TIAM1: variants seen among roughly 807,000 people sequenced by gnomAD.
The protein encoded by TIAM1 is TIAM Rac1 associated GEF 1.
Under a neutral mutation model 163.5 loss-of-function variants are expected in TIAM1, and 65 were observed. The ratio of observed to expected loss-of-function variants is 0.40; its 90% confidence interval spans 0.33 to 0.49. The LOEUF is 0.49. Among genes scored for constraint, TIAM1 ranks in the 20% least tolerant of loss-of-function variants. TIAM1 has a pLI of 0.77. For missense variants in TIAM1, 1,789 were observed against 2,044.7 expected (o/e 0.87, Z 2.41); for synonymous variants, 833 against 810.1 (o/e 1.03, Z -0.48).
chr21:31,216,178 C>G (rs2087198971), intron 9 of TIAM1, among the ~76,000 whole-genome samples: 1 of 151,904 alleles, frequency 6.6e-6, no homozygotes, highest in Non-Finnish European at 1.5e-5. Context: ...ACAAACAAAA[C>G]AAAACAAAAC....
chr21:31,343,415 C>G (rs2076076540), intron 1 of TIAM1, among the ~76,000 whole-genome samples: 1 of 152,170 alleles, frequency 6.6e-6, no homozygotes, highest in East Asian at 1.9e-4. Context: ...ACCTTCCACC[C>G]AAACTTCCTC....
chr21:31,477,275 C>T (rs898560423), intron 1 of TIAM1, among the ~76,000 whole-genome samples: 3 of 152,134 alleles, frequency 2.0e-5, no homozygotes, highest in Non-Finnish European at 2.9e-5. Flanking sequence ...ACATCACTTA[C>T]CTAAGTCACA....
Position 31,122,097 on chromosome 21 carries a change from G to A in TIAM1, c.4307-1260C>T, listed in dbSNP as rs1001818505. On this transcript the variant is annotated intron_variant, in intron 27 of 27. Transcript: ENST00000541036. ...CAGGCACAGGGTTAGAGTGGTCAAC[G>A]AGGGGCTGAATTGGCTCTCATGGCA... Among the ~76,000 whole-genome samples the A allele has an allele frequency of 3.3e-5, 5 of 152,274 alleles. No individual in the cohort carries two copies. In the South Asian group the frequency reaches 6.2e-4, roughly 19 times the overall value.
chr21:31,210,641 GAAAGAAAGAAAGAAAGAAAGAAAGAA>G (rs768205340), intron 10 of TIAM1, among the ~76,000 whole-genome samples: 6,657 of 35,338 alleles, frequency 0.19, 986 homozygotes, highest in Non-Finnish European at 0.21. Context: ...AAGAAAGAAA[GAAAGAAAGAAAGAAAGAAAGAAAGAA>G]AAAGAAAGAA....
At chr21:31,124,449 A>T in intron 27 of TIAM1, 73 bp downstream of exon 27, 1 of 1,583,250 alleles carries the variant, frequency 6.3e-7, no homozygotes, top group Non-Finnish European at 8.6e-7. Context: ...CTCAACAAGG[A>T]GGTCAAGCTC....
intron 16 of TIAM1, among the ~76,000 whole-genome samples, chr21:31,161,399 G>A (rs1378953100): frequency 6.6e-6 from 1 of 152,156 alleles, no homozygotes; most frequent in African/African-American, 2.4e-5. Context: ...GGAGAGAGGA[G>A]GCGGCTCAGA....
At chr21:31,252,957 T>A (rs930035928) in intron 4 of TIAM1, among the ~76,000 whole-genome samples, 6 of 152,248 alleles carry the variant, frequency 3.9e-5, no homozygotes. Flanking sequence ...CAGGGCCAAA[T>A]GACAGCTCGG....
At chr21:31,185,877 G>T (rs892180083) in intron 14 of TIAM1, among the ~76,000 whole-genome samples, 13 of 151,938 alleles carry the variant, frequency 8.6e-5, no homozygotes, top group Non-Finnish European at 1.5e-5. Context: ...GCCACAGAAT[G>T]CCAAGTGCTG....
chr21:31,325,667 CAAA>C (rs200884558), intron 2 of TIAM1, among the ~76,000 whole-genome samples: 6 of 99,924 alleles, frequency 6.0e-5, no homozygotes, highest in Admixed American at 1.1e-4. Flanking sequence ...GACTCTGACT[CAAA>C]AAAAAAAAAA....
In TIAM1 at chr21:31,439,994, T is replaced by A. The variant is rs542662669; in HGVS notation, c.-369+23989A>T. On this transcript the variant is annotated intron_variant, in intron 2 of 28. Transcript: ENST00000286827. ...AATAGGGTCTTGATCACCGGCAATG[T>A]AACCTTGCAGTTACCTAACCTCTCT... 4.5e-4 allele frequency among the ~76,000 whole-genome samples: 68 copies of A among 152,334 alleles called. No homozygotes were observed. In the South Asian group the frequency reaches 0.014, roughly 31 times the overall value.
chr21:31,252,932 G>T (rs1216431153), intron 4 of TIAM1, among the ~76,000 whole-genome samples: 1 of 152,264 alleles, frequency 6.6e-6, no homozygotes, highest in African/African-American at 2.4e-5. Flanking sequence ...GCCTTGGGCA[G>T]GCTACTTGCT....
At chr21:31,388,761 T>G (rs2076921276) in intron 2 of TIAM1, among the ~76,000 whole-genome samples, 1 of 152,054 alleles carries the variant, frequency 6.6e-6, no homozygotes, top group Admixed American at 6.6e-5. Context: ...ATCTGTAAAA[T>G]GGGGATAATA....
intron 2 of TIAM1, among the ~76,000 whole-genome samples, chr21:31,407,275 T>C (rs1402662308): frequency 6.6e-6 from 1 of 152,190 alleles, no homozygotes; most frequent in Non-Finnish European, 1.5e-5. Context: ...TTTAATATTG[T>C]TTATTACGAT....
intron 1 of TIAM1, among the ~76,000 whole-genome samples, chr21:31,492,712 G>A (rs1184649973): frequency 6.6e-6 from 1 of 151,356 alleles, no homozygotes; most frequent in African/African-American, 2.4e-5. Context: ...CTGTGTCATG[G>A]GCACACTGTT....
chr21:31,144,849 A>AG (rs1555865034), intron 20 of TIAM1, among the ~76,000 whole-genome samples: 5 of 144,932 alleles, frequency 3.4e-5, no homozygotes, highest in Admixed American at 6.8e-5. Flanking sequence ...AAAAAAAAAA[A>AG]AAAGAAAAGA....
chr21:31,235,389 C>T (rs1301058807), intron 6 of TIAM1, among the ~76,000 whole-genome samples: 1 of 152,164 alleles, frequency 6.6e-6, no homozygotes, highest in Non-Finnish European at 1.5e-5. Flanking sequence ...AATGTAATAA[C>T]ACTGATTAGT....
chr21:31,367,067 A>C (rs1175622953), intron 2 of TIAM1, among the ~76,000 whole-genome samples: 1 of 152,130 alleles, frequency 6.6e-6, no homozygotes, highest in Non-Finnish European at 1.5e-5. Flanking sequence ...TAGCTCCAGA[A>C]ACATAATTGC....
chr21:31,162,948 C>A (rs992314635), intron 16 of TIAM1, among the ~76,000 whole-genome samples: 1 of 152,142 alleles, frequency 6.6e-6, no homozygotes, highest in Non-Finnish European at 1.5e-5. Flanking sequence ...ACACATGGGA[C>A]CAGTCAGCAA....
At chr21:31,514,821 C>G (rs1270384599) in intron 1 of TIAM1, among the ~76,000 whole-genome samples, 1 of 152,242 alleles carries the variant, frequency 6.6e-6, no homozygotes, top group Non-Finnish European at 1.5e-5. Flanking sequence ...GCTGCCCTCT[C>G]TCTGCAAGAA....
Sources: gnomAD v4.1 joint callset for allele counts (sites outside exome capture counted in the v4.1 genomes callset) on GRCh38, gnomAD v4.1.1 for gene constraint, MANE v1.5 for transcripts, NCBI Gene and HGNC (gene_info 2026-07-23, HGNC 2026-07-21) for gene names.